The following PDE3B variants were observed in gnomAD, a reference collection of about 807,000 sequenced individuals.
PDE3B encodes the protein phosphodiesterase 3B, also known as cGMP-inhibited 3',5'-cyclic phosphodiesterase 3B.
PDE3B carries 66 observed loss-of-function variants against 116.8 expected under a neutral mutation model. The ratio of observed to expected loss-of-function variants is 0.56; its 90% CI spans 0.46 to 0.69. The LOEUF is 0.69. Ranked by LOEUF, PDE3B falls within the 30% of genes least tolerant of loss-of-function variation. The probability of loss-of-function intolerance (pLI) is 0.00; values close to 1 mark genes in which losing one functional copy is unlikely to be tolerated. For missense variants in PDE3B, 1,384 were observed against 1,368.1 expected, an observed-to-expected ratio of 1.01 and a Z score of -0.18; for synonymous variants, 595 against 533.6, an observed-to-expected ratio of 1.12 and a Z score of -1.59.
At chr11:14,826,545 A>T (rs1859691690) in intron 7 of PDE3B, among the ~76,000 whole-genome samples, 1 of 151,884 alleles carries the variant, frequency 6.6e-6, no homozygotes, top group Non-Finnish European at 1.5e-5. Context: ...TGTACACATA[A>T]CCCCTCCCAA....
intron 7 of PDE3B, among the ~76,000 whole-genome samples, chr11:14,826,543 TAAC>T: frequency 6.6e-6 from 1 of 152,118 alleles, no homozygotes; most frequent in East Asian, 1.9e-4. Context: ...CCTGTACACA[TAAC>T]CCCTCCCAAG....
intron 4 of PDE3B, among the ~76,000 whole-genome samples, chr11:14,803,033 AT>A (rs1858819973): frequency 6.6e-6 from 1 of 152,194 alleles, no homozygotes; most frequent in African/African-American, 2.4e-5. Flanking sequence ...TATAATGAAG[AT>A]CAACAGTAAA....
At chr11:14,860,494 CT>C (rs34360743) in intron 13 of PDE3B, among the ~76,000 whole-genome samples, 7 of 151,922 alleles carry the variant, frequency 4.6e-5, no homozygotes, top group African/African-American at 7.3e-5. Context: ...TCTTGAAAGG[CT>C]TTTTTTCAGC....
At chr11:14,645,153 C>A in intron 1 of PDE3B, 100 bp downstream of exon 1, 2 of 305,814 alleles carry the variant, frequency 6.5e-6, no homozygotes, top group Admixed American at 5.8e-5. Context: ...TGTTAACTTT[C>A]AGAATGGAAA....
the PDE3B span, chr11:14,880,372 T>G: frequency 1.2e-6 from 2 of 1,613,348 alleles, no homozygotes; most frequent in South Asian, 2.2e-5. Flanking sequence ...GGAGAGAAAA[T>G]CATAGACTAC....
chr11:14,660,415 C>T (rs919423431), intron 1 of PDE3B, among the ~76,000 whole-genome samples: 1 of 151,848 alleles, frequency 6.6e-6, no homozygotes, highest in East Asian at 1.9e-4. Flanking sequence ...GATCCTCCCA[C>T]TTCAGCCTCT....
intron 5 of PDE3B, among the ~76,000 whole-genome samples, 183 bp from the exon 6 acceptor site, chr11:14,818,000 T>C (rs567587885): frequency 6.6e-6 from 1 of 152,202 alleles, no homozygotes; most frequent in African/African-American, 2.4e-5. Flanking sequence ...ATGACAAATA[T>C]GGCAAATATT....
the PDE3B span, among the ~76,000 whole-genome samples, chr11:14,893,700 TTC>T: frequency 1.1e-4 from 17 of 152,328 alleles, no homozygotes; most frequent in East Asian, 3.1e-3. Flanking sequence ...ATTATCTCTC[TTC>T]TACTTCCTTC....
chr11:14,710,476 T>A (rs906872918), intron 1 of PDE3B, among the ~76,000 whole-genome samples: 23 of 152,210 alleles, frequency 1.5e-4, no homozygotes, highest in African/African-American at 5.3e-4. Flanking sequence ...AATGGTAGGT[T>A]CACGTCTGAG....
chr11:14,798,226 AT>A (rs1858620411), intron 4 of PDE3B, among the ~76,000 whole-genome samples: 1 of 152,128 alleles, frequency 6.6e-6, no homozygotes, highest in Non-Finnish European at 1.5e-5. Flanking sequence ...TATGTGATGG[AT>A]TACGTTTATT....
At chr11:14,721,219 A>C (rs540558815) in intron 1 of PDE3B, among the ~76,000 whole-genome samples, 1 of 152,334 alleles carries the variant, frequency 6.6e-6, no homozygotes, top group African/African-American at 2.4e-5. Flanking sequence ...TCAAAACACT[A>C]TGAGATACCA....
At chr11:14,732,264 G>A (rs1325270432) in intron 1 of PDE3B, among the ~76,000 whole-genome samples, 2 of 152,122 alleles carry the variant, frequency 1.3e-5, no homozygotes, top group African/African-American at 4.8e-5. Context: ...TAATGAAAAA[G>A]CATACGAAAG....
intron 2 of PDE3B, among the ~76,000 whole-genome samples, chr11:14,785,144 T>C (rs957623260): frequency 6.6e-6 from 1 of 152,018 alleles, no homozygotes; most frequent in African/African-American, 2.4e-5. Context: ...TTGATCAACA[T>C]ATTCTAAGGC....
At chr11:14,892,108 TGCTTCAGCAGCTGGCGGACCCCTA>T in the PDE3B span, 1 of 1,611,758 alleles carries the variant, frequency 6.2e-7, no homozygotes, top group Non-Finnish European at 8.5e-7. Flanking sequence ...CGGCCGCCTC[TGCTTCAGCAGCTGGCGGACCCCTA>T]GCGCGAAGAG....
intron 1 of PDE3B, among the ~76,000 whole-genome samples, chr11:14,762,718 G>C (rs1857395322): frequency 6.6e-6 from 1 of 152,232 alleles, no homozygotes; most frequent in South Asian, 2.1e-4. Context: ...AAGAGAGCAT[G>C]ATGGCTTAGG....
At chr11:14,756,900 C>G (rs1857200138) in intron 1 of PDE3B, among the ~76,000 whole-genome samples, 1 of 150,582 alleles carries the variant, frequency 6.6e-6, no homozygotes, top group East Asian at 2.0e-4. Context: ...GTGCTGCACC[C>G]ACTAACTCGT....
At chr11:14,667,608 T>C (rs1252757219) in intron 1 of PDE3B, among the ~76,000 whole-genome samples, 1 of 150,532 alleles carries the variant, frequency 6.6e-6, no homozygotes, top group African/African-American at 2.5e-5. Flanking sequence ...AAACACTGCA[T>C]GTTCTCACTG....
chr11:14,708,334 C>T (rs1003216341), intron 1 of PDE3B, among the ~76,000 whole-genome samples: 1 of 152,074 alleles, frequency 6.6e-6, no homozygotes, highest in African/African-American at 2.4e-5. Flanking sequence ...CTTGAACTTT[C>T]CAGTCATCAG....
At chr11:14,659,092 G>A (rs1264788479) in intron 1 of PDE3B, among the ~76,000 whole-genome samples, 1 of 152,190 alleles carries the variant, frequency 6.6e-6, no homozygotes, top group African/African-American at 2.4e-5. Context: ...ATCTTCTTCA[G>A]CAGGGGAAGC....
Sources: allele counts gnomAD v4.1 joint callset (sites outside exome capture counted in the v4.1 genomes callset), GRCh38; gene constraint gnomAD v4.1.1; transcripts MANE v1.5; gene names NCBI Gene and HGNC (gene_info 2026-07-23, HGNC 2026-07-21).